PCDHA8: variants seen among roughly 807,000 people sequenced by gnomAD.
The protein encoded by PCDHA8 is protocadherin alpha 8, also known as protocadherin alpha-8.
A neutral mutation model predicts 61.8 loss-of-function variants in PCDHA8; 53 were observed. That is an observed-to-expected ratio of 0.86 (90% CI 0.69 to 1.08). The LOEUF is 1.08. Ranked by LOEUF, PCDHA8 falls within the 50% of genes least tolerant of loss-of-function variation. The probability of loss-of-function intolerance (pLI) is 0.00; values close to 1 mark genes in which losing one functional copy is unlikely to be tolerated. For synonymous variants in PCDHA8, 618 were observed against 556.6 expected, an observed-to-expected ratio of 1.11 and a Z score of -1.55; for missense variants, 1,293 against 1,245.0, an observed-to-expected ratio of 1.04 and a Z score of -0.58.
intron 1 of PCDHA8, chr5:140,851,253 T>C: frequency 2.8e-6 from 3 of 1,086,078 alleles, no homozygotes; most frequent in Non-Finnish European, 2.3e-6. Context: ...TGATGCATAG[T>C]ATTTTAGTCT....
At chr5:140,870,494 A>G (rs782779572) in intron 1 of PCDHA8, 1 of 1,614,236 alleles carries the variant, frequency 6.2e-7, no homozygotes, top group South Asian at 1.1e-5. Flanking sequence ...GTGTTCGTGA[A>G]GGAGAACAAC....
chr5:140,972,080 AAG>A (rs1446545098), intron 1 of PCDHA8, among the ~76,000 whole-genome samples: 8 of 152,208 alleles, frequency 5.3e-5, no homozygotes, highest in African/African-American at 1.9e-4. Flanking sequence ...CTTTTGGAAA[AAG>A]AGTAATTTCT....
In PCDHA8 at chr5:140,848,613, G is replaced by A. The variant is rs147099629; in HGVS notation, c.2394+4898G>A. On this transcript the variant is annotated intron_variant, in intron 1 of 3. Coordinates refer to ENST00000531613, the MANE Select transcript of PCDHA8 (RefSeq NM_018911.3). ...CCACTACTCCGTCCCGGAGGAAGCC[G>A]AACACGGCACCTTCGTGGGCCGCAT... 4,268 of 1,587,382 alleles carry A rather than the reference G, an allele frequency of 2.7e-3. 465 individuals carry two copies. The highest frequency in any genetic ancestry group is 9.6e-3 in the Middle Eastern group (55 of 5,726).
chr5:140,928,354 A>C (rs374655565), intron 1 of PCDHA8: 10 of 1,614,032 alleles, frequency 6.2e-6, no homozygotes, highest in African/African-American at 1.3e-5. Flanking sequence ...GTTGGATGTT[A>C]TCTCTGAAGG....
chr5:140,911,134 C>T (rs2075341856), intron 1 of PCDHA8, among the ~76,000 whole-genome samples: 1 of 152,108 alleles, frequency 6.6e-6, no homozygotes. Context: ...TCAGGCAGTG[C>T]AGGGTTTTTC....
intron 1 of PCDHA8, among the ~76,000 whole-genome samples, chr5:140,844,255 T>C (rs1015870602): frequency 6.7e-6 from 1 of 149,734 alleles, no homozygotes; most frequent in Admixed American, 6.7e-5. Flanking sequence ...TTAAGCAGTG[T>C]AGTGATAAAA....
chr5:140,863,422 G>T (rs782158453), intron 1 of PCDHA8: 6 of 689,158 alleles, frequency 8.7e-6, no homozygotes, highest in Middle Eastern at 5.8e-4. Flanking sequence ...GTACCGCAGC[G>T]TAGTGGGATC....
At position 140,841,567 on chromosome 5, in the gene PCDHA8, C is replaced by T. The variant is rs2150318381; in HGVS notation, c.246C>T (p.Gly82=). Residue 82 remains glycine (G), a synonymous_variant, in exon 1 of 4, where the codon GGC becomes GGT. Transcript: ENST00000531613. ...TTCTGGAGGTAAGTCTGCAGAATGG[C>T]ATTTTGTTTGTGAATTCTCGGATCG... ...RDLLEVSLQN[G]ILFVNSRIDR... The T allele has an allele frequency of 5.6e-6, 9 of 1,613,816 alleles. No homozygotes were observed. The East Asian group carries it at 6.7e-5, about 12-fold the overall frequency.
intron 1 of PCDHA8, among the ~76,000 whole-genome samples, chr5:140,933,147 A>G (rs1584764690): frequency 6.6e-6 from 1 of 151,986 alleles, no homozygotes. Context: ...ATAGCCACTC[A>G]TTTTGTTCCC....
intron 1 of PCDHA8, chr5:140,968,431 G>T: frequency 6.2e-7 from 1 of 1,613,980 alleles, no homozygotes; most frequent in South Asian, 1.1e-5. Flanking sequence ...AGGACAAGGG[G>T]AGCCCACCAC....
intron 1 of PCDHA8, among the ~76,000 whole-genome samples, chr5:140,937,039 C>CT (rs34994034): frequency 0.49 from 69,094 of 140,108 alleles, 17,193 homozygotes; most frequent in East Asian, 0.59. Flanking sequence ...TTCCATTTAT[C>CT]TTTTTTTTTT....
At position 140,843,329 on chromosome 5, in the gene PCDHA8, G is replaced by T; in HGVS notation, c.2008G>T (p.Val670Leu). The change falls in exon 1 of 4, where the codon GTG (valine) becomes TTG (leucine). Residue 670 changes from valine (V) to leucine (L), a missense_variant. Transcript: ENST00000531613. ...TATATVLVSLVESGQAPKASS... is the reference protein window; with the variant it reads ...TATATVLVSLLESGQAPKASS... ...CACGGCCACGGTTCTGGTGTCGCTG[G>T]TGGAGAGCGGCCAGGCTCCAAAAGC... The T allele has an allele frequency of 6.3e-7, 1 of 1,596,060 alleles. No individual in the cohort carries two copies. Among genetic ancestry groups the T allele is most frequent in the Non-Finnish European group, 8.6e-7 (1 of 1,165,592 alleles).
chr5:140,954,845 C>T (rs1479368081), intron 1 of PCDHA8, among the ~76,000 whole-genome samples: 2 of 152,140 alleles, frequency 1.3e-5, no homozygotes, highest in African/African-American at 4.8e-5. Context: ...AAATCTTTGC[C>T]TGTGCCTATG....
At position 140,877,496 on chromosome 5, in the gene PCDHA8, C is replaced by T. The variant is rs563591404; in HGVS notation, c.2394+33781C>T. On this transcript the variant is annotated intron_variant, in intron 1 of 3. Transcript: ENST00000531613. ...GTGTCGCTGGTGGAGAACGGCCAGG[C>T]CCCAAAGACGTCGTCGCGGGCCTCA... 24 of 1,613,862 alleles carry T rather than the reference C, an allele frequency of 1.5e-5. No individual in the cohort carries two copies. In the East Asian group the frequency reaches 4.9e-4, roughly 33 times the overall value.
chr5:140,887,309 G>T (rs2061400609), intron 1 of PCDHA8, among the ~76,000 whole-genome samples: 1 of 152,182 alleles, frequency 6.6e-6, no homozygotes, highest in South Asian at 2.1e-4. Flanking sequence ...TGTTAGCCAG[G>T]ATAGTCTCGA....
At position 140,942,409 on chromosome 5, in the gene PCDHA8, TA is replaced by T. The variant is rs78736997; in HGVS notation, c.2395-36528del. Among the ~76,000 whole-genome samples, 464 of 143,336 alleles carry T rather than the reference TA, an allele frequency of 3.2e-3. 2 individuals are homozygous for T. Among genetic ancestry groups the T allele is most frequent in the African/African-American group, 7.7e-3 (304 of 39,312 alleles). The allele number at this position is 143,336 out of a possible 152,430, so 94.0% of individuals were successfully genotyped here. Reference sequence around the variant, plus strand: ...CCTGGGCGACAGATGAGACTCTGTTTAAAAAAAAAAAAGATATCTAACAATA... The same window carrying T: ...CCTGGGCGACAGATGAGACTCTGTTTAAAAAAAAAAAGATATCTAACAATA... On this transcript the variant is annotated intron_variant, in intron 1 of 3. Transcript: ENST00000531613.
At chr5:140,890,890 T>C (rs2062844225) in intron 1 of PCDHA8, among the ~76,000 whole-genome samples, 1 of 152,192 alleles carries the variant, frequency 6.6e-6, no homozygotes, top group South Asian at 2.1e-4. Context: ...TCAGGGATTA[T>C]TGTCTTTCCA....
At chr5:140,966,488 C>A (rs1161799910) in intron 1 of PCDHA8, 8 of 440,132 alleles carry the variant, frequency 1.8e-5, no homozygotes, top group Admixed American at 8.7e-5. Flanking sequence ...TTTCCCTCCC[C>A]CTGGAGCTGT....
chr5:140,942,572 C>A (rs2093326271), intron 1 of PCDHA8, among the ~76,000 whole-genome samples: 1 of 151,292 alleles, frequency 6.6e-6, no homozygotes, highest in Non-Finnish European at 1.5e-5. Flanking sequence ...AAAAATCTTC[C>A]CATATAGGAT....
Sources: allele counts gnomAD v4.1 joint callset (sites outside exome capture counted in the v4.1 genomes callset), GRCh38; gene constraint gnomAD v4.1.1; transcripts MANE v1.5; gene names NCBI Gene and HGNC (gene_info 2026-07-23, HGNC 2026-07-21).